SOX13: variants seen among roughly 807,000 people sequenced by gnomAD.
SOX13 encodes the protein transcription factor SOX-13.
SOX13 carries 28 observed loss-of-function variants against 71.8 expected under a neutral mutation model. The observed-to-expected ratio is 0.39, with a 90% CI of 0.29 to 0.53. The LOEUF (loss-of-function observed/expected upper bound fraction) is 0.53. Among genes scored for constraint, SOX13 ranks in the 20% least tolerant of loss-of-function variants. The pLI, the probability that SOX13 is intolerant of heterozygous loss-of-function variation, is 0.70. For missense variants in SOX13, 627 were observed against 810.3 expected (o/e 0.77, Z 2.75); for synonymous variants, 309 against 317.8 (o/e 0.97, Z 0.29).
At chr1:204,087,278 T>A (rs577943444) in intron 1 of SOX13, among the ~76,000 whole-genome samples, 10 of 151,868 alleles carry the variant, frequency 6.6e-5, no homozygotes, top group Non-Finnish European at 1.5e-4. Flanking sequence ...GCCCATCACC[T>A]GGGTAGATAA....
At chr1:204,122,792 T>C in intron 9 of SOX13, 62 bp from the exon 10 acceptor site, 2 of 1,067,560 alleles carry the variant, frequency 1.9e-6, no homozygotes, top group Non-Finnish European at 2.7e-6. Context: ...TTTGGGCTCA[T>C]GCTGGGCTGA....
intron 1 of SOX13, among the ~76,000 whole-genome samples, chr1:204,093,844 C>G (rs183859527): frequency 6.6e-6 from 1 of 152,202 alleles, no homozygotes; most frequent in Non-Finnish European, 1.5e-5. Flanking sequence ...CTGTCATTAT[C>G]TTTCTGATGA....
rs756623026 is a variant in SOX13 at position 204,103,339 on chromosome 1, T to C, written c.-1-9576T>C. On this transcript the variant is annotated intron_variant, in intron 1 of 13. Transcript: ENST00000367204. ...CTCTGCTGGACCAGAGCCTGTTATTTTGCACCGAGGAGAGTGGCCAGGGCA... is the reference window on the plus strand; with the variant it reads ...CTCTGCTGGACCAGAGCCTGTTATTCTGCACCGAGGAGAGTGGCCAGGGCA... Among the ~76,000 whole-genome samples the C allele has an allele frequency of 3.4e-4, 52 of 152,294 alleles. No homozygotes were observed. The Middle Eastern group carries it at 0.017, about 50-fold the overall frequency.
chr1:204,113,418 A>G (rs1656627342), intron 2 of SOX13, among the ~76,000 whole-genome samples: 1 of 152,220 alleles, frequency 6.6e-6, no homozygotes, highest in South Asian at 2.1e-4. Context: ...TGAGGACTAG[A>G]TGGGGAGATG....
intron 1 of SOX13, among the ~76,000 whole-genome samples, chr1:204,075,747 C>G (rs145374531): frequency 3.9e-5 from 6 of 152,294 alleles, no homozygotes; most frequent in African/African-American, 1.4e-4. Flanking sequence ...TCAGTTTCCT[C>G]AGCCATAAAA....
chr1:204,121,386 C>T (rs990754081), intron 7 of SOX13, among the ~76,000 whole-genome samples: 1 of 152,212 alleles, frequency 6.6e-6, no homozygotes, highest in African/African-American at 2.4e-5. Context: ...TCCCAAAGTG[C>T]TAGGCATGAG....
intron 1 of SOX13, among the ~76,000 whole-genome samples, chr1:204,104,479 C>T (rs951905270): frequency 2.0e-5 from 3 of 152,222 alleles, no homozygotes; most frequent in Admixed American, 6.5e-5. Flanking sequence ...CAGGATGTGG[C>T]ACCGGGGCAC....
chr1:204,116,715 G>A (rs748855599), intron 5 of SOX13, 36 bp downstream of exon 5: 1 of 1,608,142 alleles, frequency 6.2e-7, no homozygotes, highest in African/African-American at 1.3e-5. Context: ...TTTCTTTCCA[G>A]GAAAAGGAGT....
At position 204,123,879 on chromosome 1, in the gene SOX13, C is replaced by T; in HGVS notation, c.1375+75C>T. 1 of 1,529,030 alleles carries T rather than the reference C, an allele frequency of 6.5e-7. No homozygotes were observed. The highest frequency in any genetic ancestry group is 1.1e-5 in the South Asian group (1 of 87,014). 94.7% of individuals were successfully genotyped at this position (1,529,030 alleles called of 1,614,324 possible). ...GCCAGCTGGGTCTATTCAGGGCTTG[C>T]TTGGTGATATTCCATACTGTGTTGG... is the stretch of plus-strand genomic sequence containing the variant. On this transcript the variant is annotated intron_variant, in intron 12 of 13. Transcript: ENST00000367204. The surrounding 1 kb of genome is among the most constrained non-coding windows in gnomAD (Gnocchi z 5.0).
chr1:204,086,421 A>G (rs1051052652), intron 1 of SOX13, among the ~76,000 whole-genome samples: 3 of 152,108 alleles, frequency 2.0e-5, no homozygotes, highest in Admixed American at 6.5e-5. Context: ...CTCCTGCCTC[A>G]GCCTCCCGAG....
At chr1:204,116,043 C>T (rs1656686083) in intron 4 of SOX13, 2 of 577,320 alleles carry the variant, frequency 3.5e-6, no homozygotes, top group African/African-American at 3.9e-5. Flanking sequence ...TTTTGAAAAC[C>T]CTAAAGTGCA....
Position 204,112,174 on chromosome 1 carries a change from C to T in SOX13, c.-1-741C>T, listed in dbSNP as rs374544616. Among the ~76,000 whole-genome samples, 12 of 152,330 alleles carry T rather than the reference C, an allele frequency of 7.9e-5. No homozygotes were observed. The East Asian group carries it at 1.2e-3, about 15-fold the overall frequency. ...TGCATTTGTAGGCTGGGCGTGGTGG[C>T]TTACGCCTGTAATTCCAGCACTTTG... is the stretch of plus-strand genomic sequence containing the variant. On this transcript the variant is annotated intron_variant, in intron 1 of 13. Transcript: ENST00000367204.
chr1:204,112,818 CTTGGGT>C (rs1656612871), intron 1 of SOX13, 91 bp from the exon 2 acceptor site: 1 of 958,736 alleles, frequency 1.0e-6, no homozygotes, highest in African/African-American at 1.6e-5. Context: ...CCAGGAGGCA[CTTGGGT>C]GGGGTCAGGG....
At chr1:204,125,653 T>C (rs16852929) in intron 13 of SOX13, among the ~76,000 whole-genome samples, 10,687 of 152,312 alleles carry the variant, frequency 0.07, 454 homozygotes, top group African/African-American at 0.11. Flanking sequence ...TGAACACATC[T>C]ATGGCCCTAG....
intron 7 of SOX13, 48 bp from the exon 8 acceptor site, chr1:204,121,852 C>A: frequency 7.7e-7 from 1 of 1,294,722 alleles, no homozygotes; most frequent in Non-Finnish European, 1.1e-6. Flanking sequence ...AGGGTGTCTG[C>A]TGTTCTGTGC....
chr1:204,091,213 A>G (rs1327205649), intron 1 of SOX13, among the ~76,000 whole-genome samples: 1 of 152,170 alleles, frequency 6.6e-6, no homozygotes, highest in African/African-American at 2.4e-5. Flanking sequence ...GTGGGTTCCC[A>G]GGGCTGCCAC....
chr1:204,073,975 T>TTGTGTG lies in SOX13; in HGVS notation c.-2+284_-2+289dup, dbSNP rs61199162. ...AGGCAGTGCGTGGCTGTGTGTGTGTTTGTGTGTGTGTGTGTGTGTGTGTGT... is the reference window on the plus strand; with the variant it reads ...AGGCAGTGCGTGGCTGTGTGTGTGTTTGTGTGTGTGTGTGTGTGTGTGTGTGTGTGT... On this transcript the variant is annotated intron_variant, in intron 1 of 13. Transcript: ENST00000367204. The surrounding 1 kb of genome is among the most constrained non-coding windows in gnomAD (Gnocchi z 6.8). The TTGTGTG allele has an allele frequency of 6.7e-6, 1 of 149,958 alleles. No individual in the cohort carries two copies. Among genetic ancestry groups the TTGTGTG allele is most frequent in the South Asian group, 2.1e-4 (1 of 4,742 alleles). 9.3% of individuals were successfully genotyped at this position (149,958 alleles called of 1,614,324 possible).
intron 1 of SOX13, among the ~76,000 whole-genome samples, chr1:204,084,204 C>T (rs573225831): frequency 6.6e-6 from 1 of 152,306 alleles, no homozygotes; most frequent in Admixed American, 6.5e-5. Flanking sequence ...TTTTGGTGTG[C>T]ACTACCATAC....
chr1:204,098,346 G>C (rs61825739), intron 1 of SOX13, among the ~76,000 whole-genome samples: 1 of 151,864 alleles, frequency 6.6e-6, no homozygotes, highest in Non-Finnish European at 1.5e-5. Context: ...GCGTGGAGGC[G>C]CATGCCTGTA....
Sources: gnomAD v4.1 joint callset for allele counts (sites outside exome capture counted in the v4.1 genomes callset) on GRCh38, gnomAD v4.1.1 for gene constraint, Gnocchi (gnomAD v3.1) non-coding constraint, MANE v1.5 for transcripts, NCBI Gene and HGNC (gene_info 2026-07-23, HGNC 2026-07-21) for gene names.